The following ABCC2 variants were observed in gnomAD, a reference collection of about 807,000 sequenced individuals.
The protein encoded by ABCC2 is ATP-binding cassette sub-family C member 2.
In ABCC2, 157 loss-of-function variants were observed where a neutral mutation model predicts 173.4. The observed-to-expected ratio is 0.91, with a 90% CI of 0.80 to 1.03. The LOEUF (loss-of-function observed/expected upper bound fraction) is 1.03, where lower values mean the gene tolerates loss of function less well. Ranked by LOEUF, ABCC2 falls within the 50% of genes least tolerant of loss-of-function variation. The pLI is 0.00. For missense variants in ABCC2, 1,822 were observed against 1,852.3 expected, an observed-to-expected ratio of 0.98 and a Z score of 0.30; for synonymous variants, 657 against 693.5, an observed-to-expected ratio of 0.95 and a Z score of 0.83.
chr10:99,845,849 GCTT>G, intron 29 of ABCC2, 67 bp downstream of exon 29: 1 of 1,507,748 alleles, frequency 6.6e-7, no homozygotes, highest in Non-Finnish European at 9.0e-7. Flanking sequence ...AACATATGCA[GCTT>G]CTTCTTGATG....
Position 99,847,060 on chromosome 10 carries a change from A to C in ABCC2, c.4246A>C (p.Lys1416Gln). 2 of 1,614,152 alleles carry C rather than the reference A, an allele frequency of 1.2e-6. No homozygotes were observed. Among genetic ancestry groups the C allele is most frequent in the South Asian group, 1.1e-5 (1 of 91,088 alleles). Residue 1416 changes from lysine to glutamine, a missense_variant, in exon 30 of 32, where the codon AAG becomes CAG. By Grantham distance (53) the Lys-to-Gln change is moderately conservative. Coordinates refer to ENST00000647814, the MANE Select transcript of ABCC2 (RefSeq NM_000392.5). ...IWKALELAHL[K>Q]SFVASLQLGL... ...GAAGGCCTTGGAGCTGGCTCACCTC[A>C]AGTCTTTTGTGGCCAGCCTGCAACT...
intron 19 of ABCC2, among the ~76,000 whole-genome samples, chr10:99,825,433 A>C (rs565975533): frequency 1.4e-3 from 217 of 152,390 alleles, no homozygotes; most frequent in African/African-American, 4.8e-3. Flanking sequence ...GTTTTCCTTG[A>C]ATAATGGCCT....
At chr10:99,805,346 G>T in intron 10 of ABCC2, 36 bp from the exon 11 acceptor site, 1 of 1,585,136 alleles carries the variant, frequency 6.3e-7, no homozygotes, top group Non-Finnish European at 8.7e-7. Context: ...TCTCATGGAA[G>T]CGTATATTGT....
Position 99,845,711 on chromosome 10 carries a change from A to C in ABCC2, c.4075A>C (p.Ile1359Leu), listed in dbSNP as rs142700351. 98 of 1,614,030 alleles carry C rather than the reference A, an allele frequency of 6.1e-5. 2 individuals are homozygous for C. In the African/African-American group the frequency reaches 1.3e-3, roughly 21 times the overall value. ...CTTAGAGGCTGCCGGTGGTCAGATT[A>C]TCATTGATGGAGTAGATATTGCTTC... ...RILEAAGGQI[I>L]IDGVDIASIG... Residue 1359 changes from isoleucine (I) to leucine (L), a missense_variant, in exon 29 of 32, where the codon ATC (isoleucine) becomes CTC (leucine). Ile to Leu is a conservative substitution (Grantham distance 5). Transcript: ENST00000647814.
chr10:99,833,883 CATTT>C (rs1266032210), intron 23 of ABCC2, among the ~76,000 whole-genome samples: 2 of 152,162 alleles, frequency 1.3e-5, no homozygotes, highest in South Asian at 2.1e-4. Flanking sequence ...TCCATTCATT[CATTT>C]TTCTTATTTG....
At chr10:99,851,359 A>T in intron 31 of ABCC2, 143 bp from the exon 32 acceptor site, 1 of 859,804 alleles carries the variant, frequency 1.2e-6, no homozygotes, top group Non-Finnish European at 1.9e-6. Context: ...ATCCATGTTG[A>T]TGTGTGTAGC....
intron 29 of ABCC2, among the ~76,000 whole-genome samples, chr10:99,846,621 C>A (rs1285100131): frequency 1.3e-5 from 2 of 152,176 alleles, no homozygotes; most frequent in African/African-American, 4.8e-5. Flanking sequence ...TGCCTCTGGT[C>A]CCAGCTACTC....
At chr10:99,799,818 T>C (rs1448486299) in intron 8 of ABCC2, among the ~76,000 whole-genome samples, 1 of 152,202 alleles carries the variant, frequency 6.6e-6, no homozygotes, top group Non-Finnish European at 1.5e-5. Context: ...AGCATTGCAG[T>C]GACAGCTAGG....
At chr10:99,804,732 C>T (rs914204596) in intron 10 of ABCC2, among the ~76,000 whole-genome samples, 1 of 152,212 alleles carries the variant, frequency 6.6e-6, no homozygotes, top group African/African-American at 2.4e-5. Flanking sequence ...TGCCAGAAGT[C>T]ACAGGTTGGG....
At position 99,805,406 on chromosome 10, in the gene ABCC2, A is replaced by G. The variant is rs1240421497; in HGVS notation, c.1489A>G (p.Lys497Glu). Residue 497 changes from lysine to glutamate, a missense_variant, in exon 11 of 32, where the codon AAA becomes GAA. Lys to Glu is a moderately conservative substitution (Grantham distance 56). Transcript: ENST00000647814. ...GGTCAAAAATATGAAGAATAAAGACAAACGTTTAAAGATCATGAATGAGAT... is the reference window on the plus strand; with the variant it reads ...GGTCAAAAATATGAAGAATAAAGACGAACGTTTAAAGATCATGAATGAGAT... The part of the protein sequence containing the change: ...IQVKNMKNKD[K>E]RLKIMNEILS... The G allele has an allele frequency of 6.2e-7, 1 of 1,613,868 alleles. No homozygotes were observed. Among genetic ancestry groups the G allele is most frequent in the East Asian group, 2.2e-5 (1 of 44,888 alleles).
chr10:99,787,690 C>T (rs1389406232), intron 2 of ABCC2, among the ~76,000 whole-genome samples: 2 of 99,920 alleles, frequency 2.0e-5, no homozygotes, highest in African/African-American at 3.6e-5. Context: ...CATATCACTT[C>T]CTTATTTTTT....
intron 9 of ABCC2, among the ~76,000 whole-genome samples, chr10:99,800,971 T>C (rs1255180015): frequency 6.6e-6 from 1 of 152,190 alleles, no homozygotes; most frequent in Admixed American, 6.5e-5. Flanking sequence ...AAATACTTAA[T>C]GAAATCCAGC....
Position 99,840,374 on chromosome 10 carries a change from A to G in ABCC2, c.3615-1593A>G, listed in dbSNP as rs1326786243. 2.1e-5 allele frequency among the ~76,000 whole-genome samples: 3 copies of G among 144,664 alleles called. No individual in the cohort carries two copies. In the East Asian group the frequency reaches 6.1e-4, roughly 29 times the overall value. 94.9% of individuals were successfully genotyped at this position (144,664 alleles called of 152,430 possible). A position where few individuals can be genotyped will look rare whatever the true frequency, so the allele number is the denominator to read the frequency against. ...CCCCGGGCCGCAGCGCAGCCGCGCC[A>G]ACCACCAGCCGCGGCCACCATGGCC... On this transcript the variant is annotated intron_variant, in intron 25 of 31. Transcript: ENST00000647814.
chr10:99,848,481 G>A (rs1176243218), intron 30 of ABCC2, among the ~76,000 whole-genome samples: 1 of 152,166 alleles, frequency 6.6e-6, no homozygotes, highest in Non-Finnish European at 1.5e-5. Flanking sequence ...GTGGTAGGCA[G>A]GGAATAGGCC....
chr10:99,840,336 T>C, intron 25 of ABCC2, among the ~76,000 whole-genome samples: 1 of 144,556 alleles, frequency 6.9e-6, no homozygotes, highest in African/African-American at 2.5e-5. Context: ...GCGACTGTCC[T>C]GGCTCCGCAC....
intron 26 of ABCC2, among the ~76,000 whole-genome samples, chr10:99,843,052 CAA>C (rs147966035): frequency 9.6e-5 from 11 of 114,808 alleles, no homozygotes; most frequent in Admixed American, 3.6e-4. Context: ...GATTCCATCT[CAA>C]AAAAAAAAAA....
At chr10:99,841,594 C>T (rs989521739) in intron 25 of ABCC2, among the ~76,000 whole-genome samples, 1 of 152,088 alleles carries the variant, frequency 6.6e-6, no homozygotes, top group Non-Finnish European at 1.5e-5. Context: ...TCTTGAATCC[C>T]ATCCTAGGCC....
intron 21 of ABCC2, 99 bp downstream of exon 21, chr10:99,830,950 A>C: frequency 2.2e-6 from 3 of 1,337,090 alleles, no homozygotes; most frequent in Non-Finnish European, 3.2e-6. Context: ...TTACAGGAGC[A>C]ATATGTCCTC....
At chr10:99,793,023 T>C (rs923504258) in intron 3 of ABCC2, among the ~76,000 whole-genome samples, 5 of 149,386 alleles carry the variant, frequency 3.3e-5, no homozygotes, top group African/African-American at 1.2e-4. Context: ...TTATAAATCA[T>C]GGCTCTTTCC....
Sources: allele counts gnomAD v4.1 joint callset (sites outside exome capture counted in the v4.1 genomes callset), GRCh38; gene constraint gnomAD v4.1.1; transcripts MANE v1.5; gene names NCBI Gene and HGNC (gene_info 2026-07-23, HGNC 2026-07-21).